The following OLFM3 variants were observed in gnomAD, a reference collection of about 807,000 sequenced individuals.
OLFM3 encodes olfactomedin 3, also known as noelin-3.
A neutral mutation model predicts 48.6 loss-of-function variants in OLFM3; 20 were observed. The observed-to-expected ratio is 0.41, with a 90% CI of 0.29 to 0.60. OLFM3 has a LOEUF of 0.60. Ranked by LOEUF, OLFM3 falls within the 20% of genes least tolerant of loss-of-function variation. The pLI, the probability that OLFM3 is intolerant of heterozygous loss-of-function variation, is 0.28. For missense variants in OLFM3, 437 were observed against 544.3 expected (o/e 0.80, Z 1.96); for synonymous variants, 222 against 198.1 (o/e 1.12, Z -1.01).
chr1:101,910,199 G>A (rs887934038), intron 1 of OLFM3: 23 of 909,194 alleles, frequency 2.5e-5, no homozygotes, highest in Non-Finnish European at 2.9e-5. Context: ...GGGCGCGGTC[G>A]CTCACGCCTG....
At chr1:101,947,194 C>A (rs900001500) in intron 1 of OLFM3, among the ~76,000 whole-genome samples, 1 of 152,066 alleles carries the variant, frequency 6.6e-6, no homozygotes, top group Admixed American at 6.5e-5. Context: ...ATGTTTAGAT[C>A]ATTCATTTTA....
At chr1:101,969,312 C>T (rs567495922) in intron 1 of OLFM3, among the ~76,000 whole-genome samples, 2 of 78,850 alleles carry the variant, frequency 2.5e-5, no homozygotes, top group South Asian at 9.9e-4. Flanking sequence ...CCACGCCTGG[C>T]TATTTTTTTT....
chr1:101,823,111 A>T (rs1192233670), intron 4 of OLFM3, among the ~76,000 whole-genome samples: 1 of 151,980 alleles, frequency 6.6e-6, no homozygotes, highest in Non-Finnish European at 1.5e-5. Flanking sequence ...TTATTGAGTG[A>T]CTTTTCTTTG....
chr1:101,939,651 A>G (rs930072251), intron 1 of OLFM3, among the ~76,000 whole-genome samples: 2 of 152,198 alleles, frequency 1.3e-5, no homozygotes, highest in Non-Finnish European at 2.9e-5. Flanking sequence ...AGTAGACTCA[A>G]TGTGTGTGGC....
chr1:101,936,225 C>T (rs761227970), intron 1 of OLFM3, among the ~76,000 whole-genome samples: 1 of 152,146 alleles, frequency 6.6e-6, no homozygotes, highest in Non-Finnish European at 1.5e-5. Context: ...ACCCTATAGT[C>T]TTTGCCAACA....
intron 1 of OLFM3, chr1:101,882,598 C>T (rs2100992573): frequency 6.6e-6 from 1 of 151,830 alleles, no homozygotes; most frequent in Middle Eastern, 3.4e-3. Flanking sequence ...CGGGACAACA[C>T]TGATGTAAGC....
intron 1 of OLFM3, among the ~76,000 whole-genome samples, chr1:101,895,893 T>C (rs1658181039): frequency 1.3e-5 from 2 of 151,880 alleles, no homozygotes; most frequent in Middle Eastern, 3.2e-3. Flanking sequence ...CTTACTCTGG[T>C]TTTTATTTGA....
At chr1:101,973,965 C>A (rs555858836) in intron 1 of OLFM3, among the ~76,000 whole-genome samples, 1 of 151,548 alleles carries the variant, frequency 6.6e-6, no homozygotes, top group South Asian at 2.1e-4. Flanking sequence ...GACCATCCAC[C>A]CTTAAAAAAG....
At chr1:101,958,296 C>T (rs1296811058) in intron 1 of OLFM3, among the ~76,000 whole-genome samples, 1 of 151,932 alleles carries the variant, frequency 6.6e-6, no homozygotes, top group East Asian at 1.9e-4. Flanking sequence ...CTTACAGATT[C>T]TTCATTATTT....
rs115606547 is a variant in OLFM3, at chr1:101,928,004, C to T, written c.69+68744G>A. ...TGATATGTCAAAGAGAAGGTATAAACCCCATTAAGATAGGCTCTGTTTCTG... is the reference window on the plus strand; with the variant it reads ...TGATATGTCAAAGAGAAGGTATAAATCCCATTAAGATAGGCTCTGTTTCTG... On this transcript the variant is annotated intron_variant, in intron 1 of 5. Coordinates refer to ENST00000370103, the MANE Select transcript of OLFM3 (RefSeq NM_058170.4). Among the ~76,000 whole-genome samples the T allele has an allele frequency of 6.8e-3, 1,039 of 152,040 alleles. 13 individuals carry two copies. The highest frequency in any genetic ancestry group is 0.023 in the African/African-American group (973 of 41,514).
At chr1:101,944,137 G>A (rs1557740094) in intron 1 of OLFM3, among the ~76,000 whole-genome samples, 1 of 151,492 alleles carries the variant, frequency 6.6e-6, no homozygotes, top group African/African-American at 2.4e-5. Flanking sequence ...GACCAATGAT[G>A]TTAAATAATC....
At chr1:101,983,563 G>GT (rs1197275815) in intron 1 of OLFM3, among the ~76,000 whole-genome samples, 5 of 152,216 alleles carry the variant, frequency 3.3e-5, no homozygotes, top group African/African-American at 1.2e-4. Context: ...AGTGCCAGCT[G>GT]TAAGTATTTA....
At chr1:101,965,294 A>T (rs1660576816) in intron 1 of OLFM3, among the ~76,000 whole-genome samples, 1 of 152,228 alleles carries the variant, frequency 6.6e-6, no homozygotes, top group Non-Finnish European at 1.5e-5. Flanking sequence ...CAAAAGAAGA[A>T]TAAAATGTTG....
intron 1 of OLFM3, among the ~76,000 whole-genome samples, chr1:101,892,246 CA>C (rs1357026515): frequency 7.2e-6 from 1 of 138,880 alleles, no homozygotes; most frequent in African/African-American, 2.6e-5. Context: ...AGTTCGGTAT[CA>C]GAATGACTAG....
chr1:101,870,780 C>CT (rs1557709826), intron 1 of OLFM3, among the ~76,000 whole-genome samples: 1 of 151,902 alleles, frequency 6.6e-6, no homozygotes, highest in African/African-American at 2.4e-5. Context: ...ACCTAGAGAG[C>CT]TTTTTTAAAA....
At chr1:101,896,581 G>A (rs1297494284) in intron 1 of OLFM3, among the ~76,000 whole-genome samples, 1 of 132,030 alleles carries the variant, frequency 7.6e-6, no homozygotes, top group Non-Finnish European at 1.5e-5. Flanking sequence ...TGCAAACTCC[G>A]CCTCTCCGGT....
At chr1:101,972,569 A>G (rs1660834934) in intron 1 of OLFM3, among the ~76,000 whole-genome samples, 2 of 152,222 alleles carry the variant, frequency 1.3e-5, no homozygotes, top group African/African-American at 2.4e-5. Context: ...GGATAAGAAC[A>G]TTGAGTCCAG....
At chr1:101,877,756 C>A (rs547525550) in intron 1 of OLFM3, among the ~76,000 whole-genome samples, 6 of 151,342 alleles carry the variant, frequency 4.0e-5, no homozygotes, top group Admixed American at 4.0e-4. Context: ...TTTAAAGTCA[C>A]TTAGATGTTA....
chr1:101,814,785 T>C (rs182581888), intron 4 of OLFM3, among the ~76,000 whole-genome samples: 61 of 152,286 alleles, frequency 4.0e-4, no homozygotes, highest in African/African-American at 1.4e-3. Flanking sequence ...TATCAAAGTG[T>C]TATTGAGAAG....
Sources: gnomAD v4.1 joint callset for allele counts (sites outside exome capture counted in the v4.1 genomes callset) on GRCh38, gnomAD v4.1.1 for gene constraint, MANE v1.5 for transcripts, NCBI Gene and HGNC (gene_info 2026-07-23, HGNC 2026-07-21) for gene names.